The following FGF14 variants were observed in gnomAD, a reference collection of about 807,000 sequenced individuals.
FGF14 encodes fibroblast growth factor homologous factor 4.
Under a neutral mutation model 25.5 loss-of-function variants are expected in FGF14, and 5 were observed. That is an observed-to-expected ratio of 0.20 (90% CI 0.10 to 0.41). FGF14 has a LOEUF of 0.41. Ranked by LOEUF, FGF14 falls within the 10% of genes least tolerant of loss-of-function variation. The pLI is 1.00. For missense variants in FGF14, 222 were observed against 320.1 expected (o/e 0.69, Z 2.34); for synonymous variants, 138 against 118.3 (o/e 1.17, Z -1.08).
intron 3 of FGF14, 151 bp from the exon 4 acceptor site, chr13:101,726,961 A>G: frequency 1.7e-6 from 1 of 599,054 alleles, no homozygotes; most frequent in South Asian, 2.2e-5. Flanking sequence ...GTAATTGTCT[A>G]TACATTTTTA....
intron 1 of FGF14, among the ~76,000 whole-genome samples, chr13:102,056,329 CA>C (rs1176682213): frequency 3.3e-5 from 5 of 152,320 alleles, no homozygotes; most frequent in African/African-American, 1.2e-4. Context: ...CATAGTTCAA[CA>C]ATCATTTACC....
chr13:101,811,939 A>C (rs1208989892), intron 3 of FGF14, among the ~76,000 whole-genome samples: 1 of 152,206 alleles, frequency 6.6e-6, no homozygotes, highest in Non-Finnish European at 1.5e-5. Flanking sequence ...AATTTTGTAA[A>C]GCTTAAATTA....
intron 1 of FGF14, among the ~76,000 whole-genome samples, chr13:102,003,735 C>T (rs1400013135): frequency 1.3e-5 from 2 of 150,714 alleles, no homozygotes; most frequent in South Asian, 2.1e-4. Flanking sequence ...CTAAGAAATA[C>T]CTGAAGAAGC....
At chr13:101,833,720 G>A (rs1447135559) in intron 3 of FGF14, among the ~76,000 whole-genome samples, 1 of 152,016 alleles carries the variant, frequency 6.6e-6, no homozygotes, top group Non-Finnish European at 1.5e-5. Flanking sequence ...ATGTTGGCTA[G>A]TTTGCACACA....
intron 1 of FGF14, among the ~76,000 whole-genome samples, chr13:102,283,303 G>A (rs2053938369): frequency 6.6e-6 from 1 of 152,168 alleles, no homozygotes; most frequent in African/African-American, 2.4e-5. Flanking sequence ...TTAGCGACAT[G>A]ATCTTATGCT....
At chr13:101,836,391 A>C (rs117254646) in intron 3 of FGF14, among the ~76,000 whole-genome samples, 4,755 of 152,138 alleles carry the variant, frequency 0.031, 123 homozygotes, top group South Asian at 0.055. Flanking sequence ...TTGCAATAAG[A>C]ATTTGGAATT....
chr13:102,243,773 G>T (rs1042379952), intron 1 of FGF14, among the ~76,000 whole-genome samples: 1 of 151,604 alleles, frequency 6.6e-6, no homozygotes, highest in Non-Finnish European at 1.5e-5. Flanking sequence ...GCAAATAGGT[G>T]GTCAGCAAGA....
chr13:102,313,874 C>T (rs1014345491), intron 1 of FGF14, among the ~76,000 whole-genome samples: 13 of 152,128 alleles, frequency 8.5e-5, no homozygotes, highest in Admixed American at 3.9e-4. Context: ...TAGTACTAGA[C>T]GTTCAAGACA....
intron 1 of FGF14, among the ~76,000 whole-genome samples, chr13:102,351,142 T>C (rs935556275): frequency 2.0e-5 from 3 of 152,192 alleles, no homozygotes; most frequent in Non-Finnish European, 4.4e-5. Context: ...AGGAAAATTA[T>C]TCTTCCTCCT....
intron 1 of FGF14, among the ~76,000 whole-genome samples, chr13:102,101,274 T>C (rs911420320): frequency 3.9e-5 from 6 of 152,272 alleles, no homozygotes; most frequent in Non-Finnish European, 7.4e-5. Flanking sequence ...TTCAGAAAAA[T>C]TGTTATTTGG....
At chr13:102,127,924 G>A (rs1243016163) in intron 1 of FGF14, among the ~76,000 whole-genome samples, 1 of 152,002 alleles carries the variant, frequency 6.6e-6, no homozygotes, top group Non-Finnish European at 1.5e-5. Context: ...AAGTGAGCAG[G>A]GCTCACCTAC....
In FGF14 at chr13:101,722,271, G is replaced by C. The variant is rs937204068; in HGVS notation, c.*560C>G. Reference sequence around the variant, plus strand: ...TAGAAGGCTTCCTGATTCCCTGATTGCTCTCCGACCTAAGCCAACTGCAAC... The same window carrying C: ...TAGAAGGCTTCCTGATTCCCTGATTCCTCTCCGACCTAAGCCAACTGCAAC... On this transcript the variant is annotated 3_prime_UTR_variant, in exon 5 of 5. Coordinates refer to ENST00000376143, the MANE Select transcript of FGF14 (RefSeq NM_004115.4). The C allele has an allele frequency of 3.3e-5, 6 of 180,068 alleles. No individual in the cohort carries two copies. The highest frequency in any genetic ancestry group is 1.4e-4 in the African/African-American group (6 of 41,686). The allele number at this position is 180,068 out of a possible 1,614,324, so 11.2% of individuals were successfully genotyped here. A position where few individuals can be genotyped will look rare whatever the true frequency, so the allele number is the denominator to read the frequency against.
rs142692693 is a variant in FGF14, at chr13:101,828,628, C to T, written c.408+40097G>A. On this transcript the variant is annotated intron_variant, in intron 3 of 4. Transcript: ENST00000376143. The stretch of plus-strand genomic sequence containing the variant: ...CAGCACTGAGTTCCACATATGCACA[C>T]GGCTAGCACTGATGTTTAGATTAAA... Among the ~76,000 whole-genome samples, 414 of 152,130 alleles carry T rather than the reference C, an allele frequency of 2.7e-3. 1 individual carries two copies. Among genetic ancestry groups the T allele is most frequent in the Middle Eastern group, 0.01 (3 of 292 alleles).
chr13:101,779,533 A>G (rs1156433467), intron 3 of FGF14, among the ~76,000 whole-genome samples: 1 of 152,224 alleles, frequency 6.6e-6, no homozygotes, highest in Admixed American at 6.5e-5. Flanking sequence ...ATATTTTTAC[A>G]TAAAACCATT....
At chr13:102,095,793 T>C (rs2044366672) in intron 1 of FGF14, among the ~76,000 whole-genome samples, 1 of 152,168 alleles carries the variant, frequency 6.6e-6, no homozygotes, top group Non-Finnish European at 1.5e-5. Flanking sequence ...GACTACAGTA[T>C]ACAAAACATA....
intron 3 of FGF14, among the ~76,000 whole-genome samples, chr13:101,786,289 T>C (rs868050634): frequency 2.0e-5 from 3 of 152,340 alleles, no homozygotes; most frequent in African/African-American, 7.2e-5. Flanking sequence ...AATTTTTACA[T>C]AGGGAAAGAC....
At chr13:102,186,659 A>G (rs1256845705) in intron 1 of FGF14, among the ~76,000 whole-genome samples, 1 of 152,166 alleles carries the variant, frequency 6.6e-6, no homozygotes, top group African/African-American at 2.4e-5. Flanking sequence ...GTCTATTCCA[A>G]CTTTTGTAAA....
chr13:101,748,359 A>G (rs1399806972), intron 3 of FGF14, among the ~76,000 whole-genome samples: 2 of 152,052 alleles, frequency 1.3e-5, no homozygotes, highest in African/African-American at 4.8e-5. Context: ...AGAGGTCATT[A>G]TCTTAAGTGA....
At chr13:102,087,834 T>G (rs182472838) in intron 1 of FGF14, among the ~76,000 whole-genome samples, 9 of 150,616 alleles carry the variant, frequency 6.0e-5, no homozygotes, top group African/African-American at 2.2e-4. Flanking sequence ...CTGTGTCAGA[T>G]AATACACTTT....
Sources: gnomAD v4.1 joint callset for allele counts (sites outside exome capture counted in the v4.1 genomes callset) on GRCh38, gnomAD v4.1.1 for gene constraint, MANE v1.5 for transcripts, NCBI Gene and HGNC (gene_info 2026-07-23, HGNC 2026-07-21) for gene names.